The following CNOT10 variants were observed in gnomAD, a reference collection of about 807,000 sequenced individuals.
CNOT10 encodes the protein CCR4-NOT transcription complex, subunit 10.
Under a neutral mutation model 94.6 loss-of-function variants are expected in CNOT10, and 30 were observed. The ratio of observed to expected loss-of-function variants is 0.32; its 90% CI spans 0.24 to 0.43. The LOEUF is 0.43. Ranked by LOEUF, CNOT10 falls within the 20% of genes least tolerant of loss-of-function variation. CNOT10 has a pLI of 1.00. For missense variants in CNOT10, 759 were observed against 877.2 expected (o/e 0.87, Z 1.70); for synonymous variants, 289 against 301.6 (o/e 0.96, Z 0.43).
intron 13 of CNOT10, among the ~76,000 whole-genome samples, chr3:32,754,681 C>G (rs949282527): frequency 2.7e-5 from 4 of 147,920 alleles, no homozygotes; most frequent in Admixed American, 1.4e-4. Context: ...GCTACCACGC[C>G]CAGCTAATTT....
Position 32,733,528 on chromosome 3 carries a change from C to G in CNOT10, c.1321C>G (p.Gln441Glu). Reference protein sequence around the residue: ...RKIVLASQSIQNTVYNDGQSS... With the variant: ...RKIVLASQSIENTVYNDGQSS... ...AATAGTTTTGGCATCACAGTCTATA[C>G]AGAATACTGTTTATAAGTAAGTATT... The change falls in exon 11 of 19, where the codon CAG becomes GAG. Residue 441 changes from glutamine to glutamate, a missense_variant. Gln to Glu is a conservative substitution (Grantham distance 29). Coordinates refer to ENST00000328834, the MANE Select transcript of CNOT10 (RefSeq NM_015442.3). The G allele has an allele frequency of 6.3e-7, 1 of 1,579,558 alleles. No individual in the cohort carries two copies. Among genetic ancestry groups the G allele is most frequent in the Non-Finnish European group, 8.7e-7 (1 of 1,155,460 alleles).
rs1344575237 is a variant in CNOT10, at chr3:32,773,860, C to G, written c.*249C>G. On this transcript the variant is annotated 3_prime_UTR_variant, in exon 19 of 19. Transcript: ENST00000328834. The stretch of plus-strand genomic sequence containing the variant: ...TAATATATGCCATAGGCAATTAAAA[C>G]ATAATTTTATCAGAAGTCTTTTACA... The G allele has an allele frequency of 2.7e-6, 1 of 376,872 alleles. No individual in the cohort carries two copies. Among genetic ancestry groups the G allele is most frequent in the East Asian group, 4.1e-5 (1 of 24,254 alleles). 23.3% of individuals were successfully genotyped at this position (376,872 alleles called of 1,614,324 possible). A position where few individuals can be genotyped will look rare whatever the true frequency, so the allele number is the denominator to read the frequency against.
chr3:32,741,293 G>T lies in CNOT10; in HGVS notation c.1595+3803G>T, dbSNP rs1238468505. Among the ~76,000 whole-genome samples, 3 of 150,616 alleles carry T rather than the reference G, an allele frequency of 2.0e-5. No individual in the cohort carries two copies. In the Admixed American group the frequency reaches 2.0e-4, roughly 10 times the overall value. On this transcript the variant is annotated intron_variant, in intron 13 of 18. Coordinates refer to ENST00000328834, the MANE Select transcript of CNOT10 (RefSeq NM_015442.3). ...GTGAGTATTATTCCATGGTATGATT[G>T]TACCTCAGTTTAATCATTCACCTTT...
At chr3:32,737,516 T>G (rs1217748469) in intron 13 of CNOT10, 26 bp downstream of exon 13, 1 of 1,411,318 alleles carries the variant, frequency 7.1e-7, no homozygotes, top group Admixed American at 1.7e-5. Context: ...AAATTAGCAT[T>G]GCATCTATTG....
chr3:32,699,808 C>G (rs1697249875), intron 1 of CNOT10, among the ~76,000 whole-genome samples: 1 of 152,000 alleles, frequency 6.6e-6, no homozygotes, highest in African/African-American at 2.4e-5. Flanking sequence ...GCAAAAGAAC[C>G]CCATAACCAG....
chr3:32,686,401 C>A (rs1244432647), intron 1 of CNOT10, among the ~76,000 whole-genome samples: 3 of 152,108 alleles, frequency 2.0e-5, no homozygotes, highest in African/African-American at 7.2e-5. Flanking sequence ...AGGTTCTGGT[C>A]ACAATAACTG....
chr3:32,716,336 A>AAT, intron 6 of CNOT10, 25 bp downstream of exon 6: 1 of 1,085,054 alleles, frequency 9.2e-7, no homozygotes, highest in South Asian at 1.3e-5. Context: ...AAAGGGGGGC[A>AAT]ATACATCACA....
In CNOT10 at chr3:32,717,161, T is replaced by C; in HGVS notation, c.668T>C (p.Val223Ala). ...ACATTTTCCCTTTGACAGTACAAAG[T>C]ACGAGCTTATATCCAAATGAAGTCT... Reference protein sequence around the residue: ...AAKSKIHQYKVRAYIQMKSLK... With the variant: ...AAKSKIHQYKARAYIQMKSLK... Residue 223 changes from valine (V) to alanine (A), a missense_variant, in exon 7 of 19, where the codon GTA becomes GCA. This residue lies in a region of CNOT10 where 682 missense variants were observed against 799.4 expected (regional missense o/e 0.85). Transcript: ENST00000328834. 1 of 1,596,360 alleles carries C rather than the reference T, an allele frequency of 6.3e-7. No individual in the cohort carries two copies. The highest frequency in any genetic ancestry group is 8.6e-7 in the Non-Finnish European group (1 of 1,167,114).
Position 32,725,598 on chromosome 3 carries a change from A to G in CNOT10, c.1011A>G (p.Pro337=), listed in dbSNP as rs1474375524. Residue 337 remains proline (P), a splice_region_variant and synonymous_variant, in exon 9 of 19, where the codon CCA becomes CCG. Coordinates refer to ENST00000328834, the MANE Select transcript of CNOT10 (RefSeq NM_015442.3). The stretch of plus-strand genomic sequence containing the variant: ...AGCTCAGTGCAGGTAGCACTGATCC[A>G]GGTAAGCCCAGTACTGGGGGACAGT... ...CAQLSAGSTD[P]GKKFSGRPMC... is the part of the protein sequence containing the mutation. 3 of 1,607,252 alleles carry G rather than the reference A, an allele frequency of 1.9e-6. No individual in the cohort carries two copies. In the South Asian group the frequency reaches 3.4e-5, roughly 18 times the overall value.
chr3:32,685,384 C>G lies in CNOT10; in HGVS notation c.-77C>G. The G allele has an allele frequency of 6.6e-7, 1 of 1,524,944 alleles. No individual in the cohort carries two copies. The highest frequency in any genetic ancestry group is 8.9e-7 in the Non-Finnish European group (1 of 1,124,292). The allele number at this position is 1,524,944 out of a possible 1,614,324, so 94.5% of individuals were successfully genotyped here. A position where few individuals can be genotyped will look rare whatever the true frequency, so the allele number is the denominator to read the frequency against. ...TAGGCACAGAGTTGTCCTCGGAGGTCCAGGACAGCGGCCAGCCCGGCGGCG... is the reference window on the plus strand; with the variant it reads ...TAGGCACAGAGTTGTCCTCGGAGGTGCAGGACAGCGGCCAGCCCGGCGGCG... On this transcript the variant is annotated 5_prime_UTR_variant, in exon 1 of 19. Transcript: ENST00000328834.
chr3:32,762,266 A>AATTTTT (rs573324112), intron 14 of CNOT10, among the ~76,000 whole-genome samples: 15 of 149,278 alleles, frequency 1.0e-4, no homozygotes, highest in South Asian at 4.3e-4. Flanking sequence ...GATCGATCTT[A>AATTTTT]ATTTTTATTT....
At position 32,770,605 on chromosome 3, in the gene CNOT10, G is replaced by A. The variant is rs1013792560; in HGVS notation, c.2080+643G>A. Among the ~76,000 whole-genome samples, 3 of 151,928 alleles carry A rather than the reference G, an allele frequency of 2.0e-5. No homozygotes were observed. The East Asian group carries it at 5.8e-4, about 29-fold the overall frequency. On this transcript the variant is annotated intron_variant, in intron 18 of 18. Transcript: ENST00000328834. Reference sequence around the variant, plus strand: ...CTCCCAAAGTGCTTGGATTACAGGCGTGAGCCACCGCACCCGGCAAGGCTG... The same window carrying A: ...CTCCCAAAGTGCTTGGATTACAGGCATGAGCCACCGCACCCGGCAAGGCTG...
At position 32,740,995 on chromosome 3, in the gene CNOT10, C is replaced by T. The variant is rs533308914; in HGVS notation, c.1595+3505C>T. 6.6e-5 allele frequency among the ~76,000 whole-genome samples: 10 copies of T among 152,176 alleles called. No individual in the cohort carries two copies. The East Asian group carries it at 1.7e-3, about 26-fold the overall frequency. On this transcript the variant is annotated intron_variant, in intron 13 of 18. Transcript: ENST00000328834. ...CACTGGGATTATAGTTGTGAGCCAC[C>T]GTGCCTAACCCAGAACATTTTTATT...
At chr3:32,743,527 G>A (rs746731654) in intron 13 of CNOT10, among the ~76,000 whole-genome samples, 2 of 151,990 alleles carry the variant, frequency 1.3e-5, no homozygotes, top group Non-Finnish European at 2.9e-5. Flanking sequence ...CCAGCTACAC[G>A]GGAGGCTGAG....
chr3:32,703,762 C>T (rs1697480952), intron 1 of CNOT10, 106 bp from the exon 2 acceptor site: 3 of 704,446 alleles, frequency 4.3e-6, no homozygotes, highest in Admixed American at 5.3e-5. Flanking sequence ...CTGATATTTT[C>T]ATACTTGACC....
In CNOT10 at chr3:32,685,424, G is replaced by A; in HGVS notation, c.-37G>A. 5 of 1,549,842 alleles carry A rather than the reference G, an allele frequency of 3.2e-6. No individual in the cohort carries two copies. Among genetic ancestry groups the A allele is most frequent in the Non-Finnish European group, 4.4e-6 (5 of 1,146,552 alleles). Reference sequence around the variant, plus strand: ...GCCCGGCGGCGGGAGTCAGGGCCACGCCACCTGCAGGGAAGAACCCGAGTC... The same window carrying A: ...GCCCGGCGGCGGGAGTCAGGGCCACACCACCTGCAGGGAAGAACCCGAGTC... On this transcript the variant is annotated 5_prime_UTR_variant, in exon 1 of 19. Transcript: ENST00000328834.
intron 13 of CNOT10, among the ~76,000 whole-genome samples, chr3:32,759,139 G>A (rs1350561769): frequency 6.6e-6 from 1 of 151,616 alleles, no homozygotes; most frequent in Non-Finnish European, 1.5e-5. Context: ...TAGTGTGTGT[G>A]TGTGTGTGTG....
intron 13 of CNOT10, among the ~76,000 whole-genome samples, chr3:32,738,532 G>A (rs981494909): frequency 2.3e-4 from 34 of 149,562 alleles, no homozygotes; most frequent in African/African-American, 5.4e-4. Context: ...GCGCGATCTC[G>A]GCTCACTGCA....
intron 4 of CNOT10, among the ~76,000 whole-genome samples, chr3:32,711,043 A>G (rs947026069): frequency 3.9e-5 from 6 of 152,188 alleles, no homozygotes; most frequent in Non-Finnish European, 7.3e-5. Flanking sequence ...CATACAACAT[A>G]TGCTAATTGA....
Sources: allele counts gnomAD v4.1 joint callset (sites outside exome capture counted in the v4.1 genomes callset), GRCh38; gene constraint gnomAD v4.1.1; regional missense constraint gnomAD v4.1.1; transcripts MANE v1.5; gene names NCBI Gene and HGNC (gene_info 2026-07-23, HGNC 2026-07-21).